The following EML5 variants were observed in gnomAD, a reference collection of about 807,000 sequenced individuals.
The protein encoded by EML5 is EMAP like 5, also known as echinoderm microtubule-associated protein-like 5.
A neutral mutation model predicts 250.0 loss-of-function variants in EML5; 120 were observed. The ratio of observed to expected loss-of-function variants is 0.48; its 90% CI spans 0.41 to 0.56. The LOEUF (loss-of-function observed/expected upper bound fraction) is 0.56. Ranked by LOEUF, EML5 falls within the 20% of genes least tolerant of loss-of-function variation. The probability of loss-of-function intolerance (pLI) is 0.00; values close to 1 mark genes in which losing one functional copy is unlikely to be tolerated. For synonymous variants in EML5, 771 were observed against 806.5 expected (o/e 0.96, Z 0.75); for missense variants, 2,006 against 2,437.6 (o/e 0.82, Z 3.73).
chr14:88,701,618 GGA>G (rs2093211500), intron 14 of EML5, among the ~76,000 whole-genome samples: 2 of 152,096 alleles, frequency 1.3e-5, no homozygotes, highest in African/African-American at 4.8e-5. Context: ...AAGAAAAAAG[GGA>G]GGAGTTTTCT....
intron 8 of EML5, among the ~76,000 whole-genome samples, chr14:88,719,574 A>G (rs1015358279): frequency 1.3e-5 from 2 of 152,208 alleles, no homozygotes; most frequent in Non-Finnish European, 1.5e-5. Flanking sequence ...TGCTGTTGAT[A>G]ACACAGTGTA....
chr14:88,753,812 T>C (rs1273570403), intron 2 of EML5, among the ~76,000 whole-genome samples: 1 of 152,156 alleles, frequency 6.6e-6, no homozygotes, highest in African/African-American at 2.4e-5. Flanking sequence ...AAAAATATAA[T>C]TTTAATAGAC....
intron 15 of EML5, 85 bp from the exon 16 acceptor site, chr14:88,695,539 C>G (rs1243384741): frequency 3.0e-5 from 37 of 1,235,170 alleles, no homozygotes; most frequent in Non-Finnish European, 4.2e-5. Context: ...AACCCACATC[C>G]TATATTTAAA....
intron 25 of EML5, among the ~76,000 whole-genome samples, chr14:88,660,517 C>T (rs150087226): frequency 4.0e-5 from 6 of 151,892 alleles, no homozygotes; most frequent in African/African-American, 9.7e-5. Context: ...TCGAAGTGGG[C>T]GGATCACAAG....
intron 3 of EML5, 124 bp downstream of exon 3, chr14:88,746,061 G>C: frequency 1.5e-6 from 1 of 688,244 alleles, no homozygotes; most frequent in East Asian, 2.8e-5. Context: ...TTTACCAATT[G>C]TAAAATTTTA....
chr14:88,616,491 T>A (rs536728860), intron 42 of EML5: 1 of 604,528 alleles, frequency 1.7e-6, no homozygotes, highest in African/African-American at 1.8e-5. Flanking sequence ...GATAACTGAT[T>A]ATAGGTTTGG....
chr14:88,711,359 T>C, intron 10 of EML5, among the ~76,000 whole-genome samples: 1 of 86,042 alleles, frequency 1.2e-5, no homozygotes, highest in East Asian at 4.8e-4. Flanking sequence ...CGAGATCTGA[T>C]GGTTTAAAAG....
intron 41 of EML5, 103 bp downstream of exon 41, chr14:88,618,123 ACT>A (rs1157468851): frequency 8.3e-6 from 7 of 847,790 alleles, no homozygotes; most frequent in Non-Finnish European, 1.3e-5. Flanking sequence ...AAAACTTGAA[ACT>A]CAATTACTAT....
intron 1 of EML5, among the ~76,000 whole-genome samples, chr14:88,779,593 G>A (rs1330492308): frequency 6.6e-6 from 1 of 152,164 alleles, no homozygotes; most frequent in East Asian, 1.9e-4. Flanking sequence ...GTCCCATGTA[G>A]AAGTCACTTC....
At chr14:88,762,325 A>T (rs1373406991) in intron 1 of EML5, among the ~76,000 whole-genome samples, 1 of 152,146 alleles carries the variant, frequency 6.6e-6, no homozygotes, top group East Asian at 1.9e-4. Flanking sequence ...AGCCTGACCA[A>T]CACAGAGAAA....
chr14:88,712,525 T>C (rs1283145239), intron 9 of EML5, 42 bp from the exon 10 acceptor site: 2 of 1,526,020 alleles, frequency 1.3e-6, no homozygotes, highest in Non-Finnish European at 9.0e-7. Flanking sequence ...GTTATTTCAT[T>C]TGATTTTCTC....
intron 1 of EML5, among the ~76,000 whole-genome samples, chr14:88,758,727 T>C (rs539450750): frequency 6.6e-6 from 1 of 152,336 alleles, no homozygotes; most frequent in South Asian, 2.1e-4. Context: ...TACACAAATG[T>C]TCACAGCAGC....
chr14:88,768,362 T>C (rs912251822), intron 1 of EML5, among the ~76,000 whole-genome samples: 3 of 152,200 alleles, frequency 2.0e-5, no homozygotes, highest in African/African-American at 7.2e-5. Context: ...TTAGCAACTA[T>C]TGGCGGATTC....
intron 1 of EML5, among the ~76,000 whole-genome samples, chr14:88,768,701 C>T (rs758427763): frequency 1.3e-5 from 2 of 152,146 alleles, no homozygotes; most frequent in African/African-American, 2.4e-5. Flanking sequence ...CGTGAGACAT[C>T]GCACCTGGCC....
At chr14:88,655,240 A>G (rs2091823352) in intron 27 of EML5, among the ~76,000 whole-genome samples, 2 of 152,304 alleles carry the variant, frequency 1.3e-5, no homozygotes, top group South Asian at 4.1e-4. Flanking sequence ...CTACAATGCT[A>G]CAGTAACCAA....
At chr14:88,768,981 T>C (rs1800509904) in intron 1 of EML5, among the ~76,000 whole-genome samples, 1 of 152,190 alleles carries the variant, frequency 6.6e-6, no homozygotes, top group African/African-American at 2.4e-5. Flanking sequence ...ATGTAAACCA[T>C]GCATTCCCAT....
intron 24 of EML5, among the ~76,000 whole-genome samples, chr14:88,662,333 T>C (rs1475766007): frequency 7.1e-6 from 1 of 139,960 alleles, no homozygotes; most frequent in African/African-American, 2.8e-5. Flanking sequence ...CAACACAATT[T>C]TTCTTGTTTT....
chr14:88,618,032 C>A, intron 41 of EML5, 196 bp downstream of exon 41: 3 of 375,398 alleles, frequency 8.0e-6, no homozygotes, highest in East Asian at 4.1e-5. Flanking sequence ...CTTGATAAAT[C>A]ATGGAAACTG....
chr14:88,736,757 A>G (rs770834351), intron 6 of EML5, among the ~76,000 whole-genome samples, 192 bp from the exon 7 acceptor site: 2 of 152,042 alleles, frequency 1.3e-5, no homozygotes, highest in Non-Finnish European at 2.9e-5. Flanking sequence ...GTCTCTTCCC[A>G]TTTGGTGCAC....
Sources: gnomAD v4.1 joint callset for allele counts (sites outside exome capture counted in the v4.1 genomes callset) on GRCh38, gnomAD v4.1.1 for gene constraint, MANE v1.5 for transcripts, NCBI Gene and HGNC (gene_info 2026-07-23, HGNC 2026-07-21) for gene names.